Variants in SHISA9 observed in about 807,000 individuals in gnomAD.
The protein encoded by SHISA9 is shisa family member 9.
In SHISA9, 13 loss-of-function variants were observed where a neutral mutation model predicts 38.0. That is an observed-to-expected ratio of 0.34 (90% CI 0.22 to 0.54). The LOEUF (loss-of-function observed/expected upper bound fraction) is 0.54, where lower values mean the gene tolerates loss of function less well. SHISA9 is among the 20% of genes least tolerant of loss of function. The pLI, the probability that SHISA9 is intolerant of heterozygous loss-of-function variation, is 0.91. For missense variants in SHISA9, 538 were observed against 575.8 expected (o/e 0.93, Z 0.67); for synonymous variants, 275 against 242.0 (o/e 1.14, Z -1.27).
the SHISA9 span, among the ~76,000 whole-genome samples, chr16:13,483,745 A>G: frequency 6.6e-6 from 1 of 152,186 alleles, no homozygotes; most frequent in Non-Finnish European, 1.5e-5. Flanking sequence ...CTAAAAACAC[A>G]AGAGAACTGG....
intron 2 of SHISA9, among the ~76,000 whole-genome samples, chr16:13,023,931 G>A (rs1011077976): frequency 2.6e-5 from 4 of 152,268 alleles, no homozygotes; most frequent in Admixed American, 2.6e-4. Flanking sequence ...CACAAAGATG[G>A]GAAGGGATGA....
In SHISA9 at chr16:13,237,035, A is replaced by C. The variant is rs568146227; in HGVS notation, c.*1626A>C. ...GAGAAGAGATTTTTATCTAAGGTGG[A>C]AGGTTTTTCAACTAGCCCCTAAAGG... On this transcript the variant is annotated 3_prime_UTR_variant, in exon 5 of 5. Transcript: ENST00000558583. 1 of 152,296 alleles carries C rather than the reference A, an allele frequency of 6.6e-6. No homozygotes were observed. The highest frequency in any genetic ancestry group is 1.9e-4 in the East Asian group (1 of 5,170). The allele number at this position is 152,296 out of a possible 1,614,324, so 9.4% of individuals were successfully genotyped here. A position where few individuals can be genotyped will look rare whatever the true frequency, so the allele number is the denominator to read the frequency against.
chr16:13,143,672 A>G (rs1297658253), intron 2 of SHISA9, among the ~76,000 whole-genome samples: 2 of 152,228 alleles, frequency 1.3e-5, no homozygotes, highest in African/African-American at 2.4e-5. Context: ...AGAGCCAGCC[A>G]TCAAACAGAC....
intron 2 of SHISA9, among the ~76,000 whole-genome samples, chr16:13,086,684 A>C (rs1404629008): frequency 6.6e-6 from 1 of 152,232 alleles, no homozygotes; most frequent in Non-Finnish European, 1.5e-5. Flanking sequence ...ATTGAGAAAA[A>C]GAACATGTCA....
chr16:13,231,008 T>C (rs2142084927), intron 4 of SHISA9, among the ~76,000 whole-genome samples: 1 of 152,290 alleles, frequency 6.6e-6, no homozygotes, highest in African/African-American at 2.4e-5. Context: ...GCAAAGCCTT[T>C]ATGACTTGTG....
intron 2 of SHISA9, among the ~76,000 whole-genome samples, chr16:13,098,037 C>A (rs559641043): frequency 6.6e-6 from 1 of 152,316 alleles, no homozygotes; most frequent in South Asian, 2.1e-4. Flanking sequence ...TTTCAACAGC[C>A]TGTTAATTTG....
At chr16:13,307,535 T>C in the SHISA9 span, among the ~76,000 whole-genome samples, 1 of 152,236 alleles carries the variant, frequency 6.6e-6, no homozygotes, top group Non-Finnish European at 1.5e-5. Context: ...ACCATTATGC[T>C]GACTGTAGAC....
the SHISA9 span, among the ~76,000 whole-genome samples, chr16:13,426,902 G>A: frequency 9.5e-4 from 145 of 152,286 alleles, no homozygotes; most frequent in East Asian, 0.016. Flanking sequence ...ATAATTCTCT[G>A]CATTAGTCAG....
chr16:13,088,107 G>C (rs1004360599), intron 2 of SHISA9, among the ~76,000 whole-genome samples: 3 of 152,132 alleles, frequency 2.0e-5, no homozygotes, highest in Non-Finnish European at 4.4e-5. Context: ...GTTTTTGTCA[G>C]GTTCATCAAA....
chr16:13,333,909 C>T, the SHISA9 span, among the ~76,000 whole-genome samples: 1 of 152,156 alleles, frequency 6.6e-6, no homozygotes, highest in Non-Finnish European at 1.5e-5. Context: ...ACCTTGCTCT[C>T]AGGAAAGGTT....
the SHISA9 span, among the ~76,000 whole-genome samples, chr16:13,396,979 A>G: frequency 6.6e-6 from 1 of 151,748 alleles, no homozygotes; most frequent in African/African-American, 2.4e-5. Context: ...AGTGAGACCA[A>G]CTCCTCCTCC....
chr16:13,528,413 A>C, the SHISA9 span, among the ~76,000 whole-genome samples: 3 of 103,176 alleles, frequency 2.9e-5, no homozygotes, highest in Non-Finnish European at 7.8e-5. Flanking sequence ...CTTGGAGTTC[A>C]AAAAAAAAAA....
At chr16:13,320,464 C>G in the SHISA9 span, among the ~76,000 whole-genome samples, 1 of 152,128 alleles carries the variant, frequency 6.6e-6, no homozygotes, top group Non-Finnish European at 1.5e-5. Context: ...TAATGTTAAA[C>G]TCTTTGGGTG....
chr16:12,985,098 A>C (rs992592914), intron 2 of SHISA9, among the ~76,000 whole-genome samples: 2 of 152,158 alleles, frequency 1.3e-5, no homozygotes, highest in Admixed American at 1.3e-4. Context: ...TGAATTGCAC[A>C]TTAATCCTCA....
Position 13,222,295 on chromosome 16 carries a change from A to C in SHISA9, c.895+8995A>C, listed in dbSNP as rs142220006. On this transcript the variant is annotated intron_variant, in intron 4 of 4. Coordinates refer to ENST00000558583, the MANE Select transcript of SHISA9 (RefSeq NM_001145204.3). ...TATCATGACCCAAGGAGAGTAATCC[A>C]GGTTGGTGGGCAGCTCTACTCCGAG... Among the ~76,000 whole-genome samples the C allele has an allele frequency of 4.3e-4, 65 of 152,278 alleles. No homozygotes were observed. The East Asian group carries it at 0.013, about 29-fold the overall frequency.
At chr16:13,230,090 A>C (rs2051317185) in intron 4 of SHISA9, among the ~76,000 whole-genome samples, 1 of 147,398 alleles carries the variant, frequency 6.8e-6, no homozygotes, top group Non-Finnish European at 1.5e-5. Flanking sequence ...GGCCCTCAAC[A>C]AACACGGTTG....
the SHISA9 span, among the ~76,000 whole-genome samples, chr16:13,504,168 C>G: frequency 6.6e-6 from 1 of 152,104 alleles, no homozygotes; most frequent in East Asian, 1.9e-4. Flanking sequence ...AGACCTTTAC[C>G]TTTAGCCCTT....
the SHISA9 span, among the ~76,000 whole-genome samples, chr16:13,253,905 CT>C: frequency 9.2e-5 from 14 of 151,468 alleles, no homozygotes; most frequent in African/African-American, 1.9e-4. Context: ...CTGAAGGTTA[CT>C]TTTTTTTTCA....
intron 1 of SHISA9, among the ~76,000 whole-genome samples, chr16:12,904,461 T>C (rs550257950): frequency 6.6e-6 from 1 of 152,184 alleles, no homozygotes; most frequent in Non-Finnish European, 1.5e-5. Context: ...CTGGGCGTTC[T>C]GGTGACAGCT....
Sources: allele counts gnomAD v4.1 joint callset (sites outside exome capture counted in the v4.1 genomes callset), GRCh38; gene constraint gnomAD v4.1.1; transcripts MANE v1.5; gene names NCBI Gene and HGNC (gene_info 2026-07-23, HGNC 2026-07-21).